KLRG1: variants seen among roughly 807,000 people sequenced by gnomAD.
KLRG1 encodes the protein killer cell lectin like receptor G1.
KLRG1 carries 16 observed loss-of-function variants against 21.8 expected under a neutral mutation model. The observed-to-expected ratio is 0.73, with a 90% confidence interval of 0.50 to 1.11. The LOEUF is 1.11. Ranked by LOEUF, KLRG1 falls within the 50% of genes most tolerant of loss-of-function variation. The pLI, the probability that KLRG1 is intolerant of heterozygous loss-of-function variation, is 0.00. For synonymous variants in KLRG1, 69 were observed against 75.9 expected (o/e 0.91, Z 0.47); for missense variants, 173 against 218.3 (o/e 0.79, Z 1.31).
chr12:9,102,368 C>G, the KLRG1 span, among the ~76,000 whole-genome samples: 1 of 152,088 alleles, frequency 6.6e-6, no homozygotes, highest in East Asian at 1.9e-4. Flanking sequence ...GTGCATGCCA[C>G]CCCACCCAGC....
chr12:8,958,379 A>C (rs76221110), intron 1 of KLRG1, among the ~76,000 whole-genome samples: 11 of 152,304 alleles, frequency 7.2e-5, no homozygotes, highest in East Asian at 3.8e-4. Flanking sequence ...TTCTGGACTT[A>C]ATTCTGTTTA....
the KLRG1 span, chr12:9,058,208 C>G: frequency 8.5e-5 from 13 of 152,170 alleles, no homozygotes; most frequent in Admixed American, 8.5e-4. Flanking sequence ...TGTTTATCAT[C>G]TGTATCTAAT....
At chr12:9,082,480 C>T in the KLRG1 span, among the ~76,000 whole-genome samples, 1 of 152,226 alleles carries the variant, frequency 6.6e-6, no homozygotes, top group Non-Finnish European at 1.5e-5. Flanking sequence ...AACTAGGGAA[C>T]CCATGAAAAC....
At chr12:9,199,725 T>C in the KLRG1 span, among the ~76,000 whole-genome samples, 321 of 152,236 alleles carry the variant, frequency 2.1e-3, 2 homozygotes, top group African/African-American at 7.3e-3. Flanking sequence ...TTTAAAATAT[T>C]AGAGCAAAAA....
chr12:9,072,860 C>T, the KLRG1 span: 3 of 1,613,812 alleles, frequency 1.9e-6, no homozygotes, highest in Non-Finnish European at 1.7e-6. Context: ...CATGGAGAGC[C>T]ACCACTGTGT....
At chr12:9,088,571 A>T in the KLRG1 span, among the ~76,000 whole-genome samples, 2 of 152,196 alleles carry the variant, frequency 1.3e-5, no homozygotes, top group Non-Finnish European at 2.9e-5. Context: ...ATTTGTAGGT[A>T]GTCAGAGAAA....
At chr12:9,081,392 G>C in the KLRG1 span, among the ~76,000 whole-genome samples, 1 of 152,118 alleles carries the variant, frequency 6.6e-6, no homozygotes, top group African/African-American at 2.4e-5. Flanking sequence ...ATGCATTTAG[G>C]TAATAAAGAG....
At chr12:9,097,875 T>C in the KLRG1 span, among the ~76,000 whole-genome samples, 1 of 152,198 alleles carries the variant, frequency 6.6e-6, no homozygotes, top group African/African-American at 2.4e-5. Context: ...TCAAGTTATC[T>C]GCCTGCCTTG....
chr12:9,084,131 C>T, the KLRG1 span, among the ~76,000 whole-genome samples: 4 of 152,034 alleles, frequency 2.6e-5, no homozygotes, highest in Non-Finnish European at 4.4e-5. Context: ...AAAACATTCC[C>T]AGACAAACTA....
intron 1 of KLRG1, among the ~76,000 whole-genome samples, chr12:8,991,169 TCA>T (rs1396405970): frequency 6.6e-6 from 1 of 152,186 alleles, no homozygotes; most frequent in Non-Finnish European, 1.5e-5. Context: ...TCATCTTACT[TCA>T]CAGAGTTTTG....
the KLRG1 span, among the ~76,000 whole-genome samples, chr12:9,200,047 A>G: frequency 9.7e-3 from 1,480 of 152,274 alleles, 28 homozygotes; most frequent in African/African-American, 0.034. Flanking sequence ...AGAAGTGGAC[A>G]ATGTCTCTGT....
At chr12:9,203,143 C>T in the KLRG1 span, among the ~76,000 whole-genome samples, 3 of 152,064 alleles carry the variant, frequency 2.0e-5, no homozygotes, top group Non-Finnish European at 4.4e-5. Context: ...ATGTCCAGCC[C>T]GATCCTTAAA....
chr12:9,142,667 A>G, the KLRG1 span, among the ~76,000 whole-genome samples: 1 of 152,188 alleles, frequency 6.6e-6, no homozygotes, highest in Non-Finnish European at 1.5e-5. Flanking sequence ...AAGAAAATCC[A>G]GTAGTTATAA....
At chr12:9,018,690 A>G in the KLRG1 span, among the ~76,000 whole-genome samples, 25 of 151,508 alleles carry the variant, frequency 1.7e-4, no homozygotes, top group South Asian at 4.2e-4. Context: ...AAAAAAAAAA[A>G]AAAGAAAGAA....
the KLRG1 span, chr12:9,196,467 T>G: frequency 6.3e-7 from 1 of 1,581,336 alleles, no homozygotes; most frequent in Non-Finnish European, 8.7e-7. Context: ...TCAGTACTTT[T>G]AGAAGTTACT....
chr12:8,959,927 T>G (rs1184936492), intron 1 of KLRG1, among the ~76,000 whole-genome samples: 1 of 152,116 alleles, frequency 6.6e-6, no homozygotes, highest in Non-Finnish European at 1.5e-5. Context: ...CTTTTTAGAT[T>G]TGTTAGGATT....
At chr12:9,076,866 C>A in the KLRG1 span, 1 of 1,613,384 alleles carries the variant, frequency 6.2e-7, no homozygotes, top group Non-Finnish European at 8.5e-7. Flanking sequence ...TACATGGCTG[C>A]CATGGTCCCC....
upstream of KLRG1, chr12:8,988,445 A>G (rs914639213): frequency 5.9e-5 from 9 of 152,174 alleles, no homozygotes; most frequent in African/African-American, 1.7e-4. Flanking sequence ...AAGCAGAAAT[A>G]TATTTGTTTT....
chr12:9,183,684 C>T, the KLRG1 span, among the ~76,000 whole-genome samples: 1 of 152,206 alleles, frequency 6.6e-6, no homozygotes, highest in South Asian at 2.1e-4. Context: ...CCAATGTGCC[C>T]GGCCAAAATT....
Sources: allele counts gnomAD v4.1 joint callset (sites outside exome capture counted in the v4.1 genomes callset), GRCh38; gene constraint gnomAD v4.1.1; transcripts MANE v1.5; gene names NCBI Gene and HGNC (gene_info 2026-07-23, HGNC 2026-07-21).